Variants in GARS1 observed in about 807,000 individuals in gnomAD.
GARS1 encodes glycine--tRNA ligase.
A neutral mutation model predicts 86.4 loss-of-function variants in GARS1; 46 were observed. That is an observed-to-expected ratio of 0.53 (90% CI 0.42 to 0.68). GARS1 has a LOEUF of 0.68. Ranked by LOEUF, GARS1 falls within the 30% of genes least tolerant of loss-of-function variation. GARS1 has a pLI of 0.00. For synonymous variants in GARS1, 342 were observed against 329.8 expected, an observed-to-expected ratio of 1.04 and a Z score of -0.40; for missense variants, 797 against 915.6, an observed-to-expected ratio of 0.87 and a Z score of 1.67.
chr7:30,614,748 C>T (rs542934028), intron 8 of GARS1, among the ~76,000 whole-genome samples: 163 of 151,722 alleles, frequency 1.1e-3, no homozygotes, highest in African/African-American at 1.8e-3. Context: ...TGGTGGCGGG[C>T]GCCTGTAGTC....
chr7:30,595,166 G>T (rs773923827), intron 1 of GARS1, 23 bp downstream of exon 1: 22 of 1,530,170 alleles, frequency 1.4e-5, no homozygotes, highest in Non-Finnish European at 1.8e-5. Flanking sequence ...TGCGCTCTCC[G>T]CTAAGCCTCC....
At chr7:30,622,045 T>G (rs113192993) in intron 11 of GARS1, 3 of 466,770 alleles carry the variant, frequency 6.4e-6, no homozygotes, top group African/African-American at 3.9e-5. Context: ...GAAGTTCTTA[T>G]GCTATGGGTT....
chr7:30,611,905 C>A (rs916253502), intron 7 of GARS1, among the ~76,000 whole-genome samples, 191 bp from the exon 8 acceptor site: 5 of 152,190 alleles, frequency 3.3e-5, no homozygotes, highest in African/African-American at 1.2e-4. Flanking sequence ...TTACTTAATA[C>A]ATTTTCTAAT....
At chr7:30,627,345 T>C (rs911151427) in intron 13 of GARS1, among the ~76,000 whole-genome samples, 16 of 152,198 alleles carry the variant, frequency 1.1e-4, no homozygotes, top group African/African-American at 3.9e-4. Flanking sequence ...GGTTCAGAGC[T>C]GCACATCACC....
intron 6 of GARS1, 51 bp from the exon 7 acceptor site, chr7:30,609,534 T>C: frequency 6.7e-7 from 1 of 1,485,566 alleles, no homozygotes; most frequent in Non-Finnish European, 9.4e-7. Flanking sequence ...CTTTATATCT[T>C]ATGCCTTGTT....
At chr7:30,625,285 G>A (rs954664872) in intron 12 of GARS1, among the ~76,000 whole-genome samples, 1 of 152,158 alleles carries the variant, frequency 6.6e-6, no homozygotes, top group Non-Finnish European at 1.5e-5. Context: ...GATACACTTA[G>A]ACTGTGCTCA....
chr7:30,607,945 A>G (rs1172947885), intron 6 of GARS1, among the ~76,000 whole-genome samples: 2 of 152,156 alleles, frequency 1.3e-5, no homozygotes, highest in African/African-American at 4.8e-5. Flanking sequence ...TTCCATACAC[A>G]CTTTTCTCCA....
rs188698150 is a variant in GARS1, at chr7:30,599,489, G to C, written c.325-458G>C. 3.9e-3 allele frequency among the ~76,000 whole-genome samples: 592 copies of C among 152,016 alleles called. 4 individuals carry two copies. Among genetic ancestry groups the C allele is most frequent in the South Asian group, 8.9e-3 (43 of 4,806 alleles). The stretch of plus-strand genomic sequence containing the variant: ...GCGATCTCAGCTCACTGCAACCTCT[G>C]CCTCCCGGGTTCAAGTGATTCTCCT... On this transcript the variant is annotated intron_variant, in intron 2 of 16. Coordinates refer to ENST00000389266, the MANE Select transcript of GARS1 (RefSeq NM_002047.4).
At position 30,599,261 on chromosome 7, in the gene GARS1, C is replaced by T. The variant is rs115983898; in HGVS notation, c.324+364C>T. Reference sequence around the variant, plus strand: ...AAGGTCTGTTTATTTGATACCTGCTCCCAGACCTTTCAAACAATAGATCTC... The same window carrying T: ...AAGGTCTGTTTATTTGATACCTGCTTCCAGACCTTTCAAACAATAGATCTC... On this transcript the variant is annotated intron_variant, in intron 2 of 16. Transcript: ENST00000389266. Among the ~76,000 whole-genome samples, 289 of 152,264 alleles carry T rather than the reference C, an allele frequency of 1.9e-3. 1 individual carries two copies. The highest frequency in any genetic ancestry group is 6.7e-3 in the African/African-American group (277 of 41,532).
At position 30,601,123 on chromosome 7, in the gene GARS1, C is replaced by G. The variant is rs368297381; in HGVS notation, c.492C>G (p.Thr164=). ...CTTTGAAGAACAATATTATTCAGAC[C>G]TGGAGGCAGCACTTTATCCAAGAGG... ...GCALKNNIIQ[T]WRQHFIQEEQ... is the part of the protein sequence containing the mutation. Residue 164 remains threonine (T), a synonymous_variant, in exon 4 of 17, where the codon ACC becomes ACG. Transcript: ENST00000389266. 60 of 1,613,892 alleles carry G rather than the reference C, an allele frequency of 3.7e-5. No individual in the cohort carries two copies. The highest frequency in any genetic ancestry group is 4.9e-5 in the Non-Finnish European group (58 of 1,179,920).
intron 3 of GARS1, among the ~76,000 whole-genome samples, chr7:30,600,759 T>C (rs142739565): frequency 1.0e-3 from 153 of 152,376 alleles, no homozygotes; most frequent in African/African-American, 3.5e-3. Flanking sequence ...TATTTTGTAA[T>C]TTTTACGGCA....
At chr7:30,628,735 G>A in intron 14 of GARS1, 66 bp downstream of exon 14, 1 of 979,994 alleles carries the variant, frequency 1.0e-6, no homozygotes. Context: ...ATTACATTGT[G>A]AAGTACATTA....
At chr7:30,603,763 A>T (rs531687774) in intron 6 of GARS1, among the ~76,000 whole-genome samples, 191 bp downstream of exon 6, 1 of 152,076 alleles carries the variant, frequency 6.6e-6, no homozygotes, top group East Asian at 1.9e-4. Context: ...CTAACCCTTT[A>T]TTTCAGCCCA....
chr7:30,601,848 G>A (rs536257418), intron 4 of GARS1, among the ~76,000 whole-genome samples: 6 of 150,768 alleles, frequency 4.0e-5, no homozygotes, highest in African/African-American at 1.2e-4. Flanking sequence ...GCTTGATCTC[G>A]GCTCACTGCA....
rs761660649 is a variant in GARS1 at position 30,594,895 on chromosome 7, C to T, written c.-27C>T. ...CGCGCGCCGCTTCCGTCGCCACCCTCTCTGGACAGCCCAGGGCCGCAGGCT... is the reference window on the plus strand; with the variant it reads ...CGCGCGCCGCTTCCGTCGCCACCCTTTCTGGACAGCCCAGGGCCGCAGGCT... On this transcript the variant is annotated 5_prime_UTR_variant, in exon 1 of 17. Transcript: ENST00000389266. 14 of 1,533,652 alleles carry T rather than the reference C, an allele frequency of 9.1e-6. No homozygotes were observed. In the South Asian group the frequency reaches 1.1e-4, roughly 12 times the overall value.
intron 7 of GARS1, among the ~76,000 whole-genome samples, chr7:30,610,664 G>T (rs1290132321): frequency 6.6e-6 from 1 of 152,170 alleles, no homozygotes; most frequent in Non-Finnish European, 1.5e-5. Context: ...CATAACCTGT[G>T]ACCCAGACAT....
rs1474101398 is a variant in GARS1 at position 30,617,243 on chromosome 7, T to C, written c.1324T>C (p.Cys442Arg). Residue 442 changes from cysteine (C) to arginine (R), a missense_variant, in exon 10 of 17, where the codon TGT becomes CGT. Physicochemically the swap from Cys to Arg is radical, Grantham distance 180 (BLOSUM62 -3). Transcript: ENST00000389266. ...GGAGAATGAGATGGCCCATTATGCC[T>C]GTGACTGTTGGGATGCAGAATCCAA... ...HMENEMAHYA[C>R]DCWDAESKTS... The C allele has an allele frequency of 1.9e-6, 3 of 1,614,008 alleles. No homozygotes were observed. In the Admixed American group the frequency reaches 5.0e-5, roughly 27 times the overall value.
chr7:30,621,706 T>C (rs1463295980), intron 11 of GARS1: 2 of 604,190 alleles, frequency 3.3e-6, no homozygotes, highest in Non-Finnish European at 5.9e-6. Flanking sequence ...CACTCAATGT[T>C]TGGCCTTTAA....
At chr7:30,626,357 C>A in intron 13 of GARS1, 38 bp downstream of exon 13, 1 of 1,242,874 alleles carries the variant, frequency 8.0e-7, no homozygotes, top group South Asian at 1.2e-5. Flanking sequence ...AGTCACTGCT[C>A]CTTAAAGCTT....
Sources: gnomAD v4.1 joint callset for allele counts (sites outside exome capture counted in the v4.1 genomes callset) on GRCh38, gnomAD v4.1.1 for gene constraint, MANE v1.5 for transcripts, NCBI Gene and HGNC (gene_info 2026-07-23, HGNC 2026-07-21) for gene names.